The following SLAMF1 variants were observed in gnomAD, a reference collection of about 807,000 sequenced individuals.
The protein encoded by SLAMF1 is signaling lymphocytic activation molecule family member 1.
A neutral mutation model predicts 35.1 loss-of-function variants in SLAMF1; 18 were observed. The ratio of observed to expected loss-of-function variants is 0.51; its 90% CI spans 0.35 to 0.76. The LOEUF is 0.76. SLAMF1 is among the 30% of genes least tolerant of loss of function. SLAMF1 has a pLI of 0.01. For synonymous variants in SLAMF1, 168 were observed against 157.2 expected (o/e 1.07, Z -0.51); for missense variants, 392 against 413.0 (o/e 0.95, Z 0.44).
chr1:160,639,295 G>A (rs913234092), intron 1 of SLAMF1, among the ~76,000 whole-genome samples: 1 of 151,792 alleles, frequency 6.6e-6, no homozygotes, highest in Non-Finnish European at 1.5e-5. Flanking sequence ...TTGCGATCTC[G>A]GCTCACTGCA....
At chr1:160,631,873 T>C (rs534869543) in intron 3 of SLAMF1, among the ~76,000 whole-genome samples, 23 of 152,272 alleles carry the variant, frequency 1.5e-4, no homozygotes, top group African/African-American at 5.5e-4. Flanking sequence ...TTGTACTTTA[T>C]TATGGCAGCC....
rs1345846159 is a variant in SLAMF1 at position 160,608,118 on chromosome 1, A to G, written c.*2630T>C. The G allele has an allele frequency of 6.6e-6, 1 of 152,204 alleles. No homozygotes were observed. The highest frequency in any genetic ancestry group is 6.5e-5 in the Admixed American group (1 of 15,272). The allele number at this position is 152,204 out of a possible 1,614,324, so 9.4% of individuals were successfully genotyped here. ...GACAAAATTGCAATTTCCTTGATGG[A>G]CTGGCTGTAATTTATTCATTTCCAA... On this transcript the variant is annotated 3_prime_UTR_variant, in exon 7 of 7. Transcript: ENST00000302035.
chr1:160,633,808 T>C (rs148545032), intron 3 of SLAMF1, among the ~76,000 whole-genome samples: 1 of 152,218 alleles, frequency 6.6e-6, no homozygotes, highest in Non-Finnish European at 1.5e-5. Context: ...AGTCAGAAGA[T>C]GTAGGTTTAG....
At chr1:160,619,008 T>C (rs1382455859) in intron 5 of SLAMF1, among the ~76,000 whole-genome samples, 1 of 152,212 alleles carries the variant, frequency 6.6e-6, no homozygotes, top group Non-Finnish European at 1.5e-5. Context: ...GTGCATTTGC[T>C]GTCTTTTCAT....
At position 160,610,504 on chromosome 1, in the gene SLAMF1, G is replaced by A; in HGVS notation, c.*244C>T. 1.8e-6 allele frequency: 1 copy of A among 551,992 alleles called. No homozygotes were observed. 34.2% of individuals were successfully genotyped at this position (551,992 alleles called of 1,614,324 possible). A position where few individuals can be genotyped will look rare whatever the true frequency, so the allele number is the denominator to read the frequency against. On this transcript the variant is annotated 3_prime_UTR_variant, in exon 7 of 7. Coordinates refer to ENST00000302035, the MANE Select transcript of SLAMF1 (RefSeq NM_003037.5). ...TGCTACAACACAAAGATGGAACGCT[G>A]TTATCAAGTAACGCTCTGTTCTGCG...
At chr1:160,638,891 T>C (rs1268285876) in intron 1 of SLAMF1, among the ~76,000 whole-genome samples, 1 of 152,260 alleles carries the variant, frequency 6.6e-6, no homozygotes, top group Non-Finnish European at 1.5e-5. Context: ...TCAGTTTTCT[T>C]GGCAGGAGCC....
rs144599258 is a variant in SLAMF1, at chr1:160,625,362, T to G, written c.701-1177A>C. Reference sequence around the variant, plus strand: ...TGTGAGGAATTTGTGGGGCAGAAATTGAAAGAAAAATAGTCGGGTTCCAAA... The same window carrying G: ...TGTGAGGAATTTGTGGGGCAGAAATGGAAAGAAAAATAGTCGGGTTCCAAA... On this transcript the variant is annotated intron_variant, in intron 3 of 6. Transcript: ENST00000302035. Among the ~76,000 whole-genome samples, 9 of 152,180 alleles carry G rather than the reference T, an allele frequency of 5.9e-5. No individual in the cohort carries two copies. The East Asian group carries it at 1.5e-3, about 26-fold the overall frequency.
intron 5 of SLAMF1, among the ~76,000 whole-genome samples, chr1:160,614,854 T>A (rs1324513185): frequency 6.6e-6 from 1 of 152,152 alleles, no homozygotes; most frequent in Non-Finnish European, 1.5e-5. Context: ...GTTAGTATAT[T>A]TTTGTATCTT....
At chr1:160,626,904 T>A (rs1659911511) in intron 3 of SLAMF1, among the ~76,000 whole-genome samples, 1 of 152,204 alleles carries the variant, frequency 6.6e-6, no homozygotes, top group Non-Finnish European at 1.5e-5. Flanking sequence ...CTGCCTAGCC[T>A]TGATGCCCAG....
At chr1:160,641,263 G>A (rs772239115) in intron 1 of SLAMF1, among the ~76,000 whole-genome samples, 6 of 151,972 alleles carry the variant, frequency 3.9e-5, no homozygotes, top group Non-Finnish European at 7.4e-5. Context: ...GATTTTTAAA[G>A]ACCAACTTTG....
intron 2 of SLAMF1, among the ~76,000 whole-genome samples, chr1:160,636,774 G>T (rs887397379): frequency 2.6e-5 from 4 of 152,190 alleles, no homozygotes; most frequent in Admixed American, 1.3e-4. Context: ...GTGTAAATGT[G>T]CTAACCGCTT....
chr1:160,632,785 A>G (rs142931585), intron 3 of SLAMF1, among the ~76,000 whole-genome samples: 10 of 152,322 alleles, frequency 6.6e-5, no homozygotes, highest in African/African-American at 2.4e-4. Context: ...AGCTTTTATA[A>G]TAAAAATTAC....
intron 1 of SLAMF1, 35 bp downstream of exon 1, chr1:160,646,835 A>C: frequency 3.3e-6 from 4 of 1,220,848 alleles, no homozygotes; most frequent in Non-Finnish European, 4.9e-6. Flanking sequence ...GGCAGCTAAC[A>C]TGGGACTCAA....
chr1:160,636,741 C>T lies in SLAMF1; in HGVS notation c.415+450G>A, dbSNP rs377122616. Among the ~76,000 whole-genome samples, 121 of 152,298 alleles carry T rather than the reference C, an allele frequency of 7.9e-4. 1 individual carries two copies. In the South Asian group the frequency reaches 0.023, roughly 29 times the overall value. On this transcript the variant is annotated intron_variant, in intron 2 of 6. Transcript: ENST00000302035. ...CCATCTTTATCCAGAACCCCCAGTGCAGTGAAACACCTACACAAATGTGTG... is the reference window on the plus strand; with the variant it reads ...CCATCTTTATCCAGAACCCCCAGTGTAGTGAAACACCTACACAAATGTGTG...
chr1:160,623,408 C>CT, intron 4 of SLAMF1: 1 of 396,788 alleles, frequency 2.5e-6, no homozygotes, highest in Non-Finnish European at 4.4e-6. Flanking sequence ...GAGGTAAGGG[C>CT]TTTTCTAAGA....
chr1:160,643,306 TG>T (rs1418117989), intron 1 of SLAMF1, among the ~76,000 whole-genome samples: 1 of 152,162 alleles, frequency 6.6e-6, no homozygotes, highest in Non-Finnish European at 1.5e-5. Flanking sequence ...CTCCAAGTTC[TG>T]GGGCTCATTC....
chr1:160,614,655 A>G (rs567362890), intron 5 of SLAMF1, among the ~76,000 whole-genome samples: 159 of 152,224 alleles, frequency 1.0e-3, no homozygotes, highest in African/African-American at 3.7e-3. Flanking sequence ...GAACTTTAGC[A>G]TAACCTGACC....
rs374126308 is a variant in SLAMF1 at position 160,637,284 on chromosome 1, G to A, written c.322C>T (p.Arg108Trp). 56 of 1,613,794 alleles carry A rather than the reference G, an allele frequency of 3.5e-5. 1 individual carries two copies. Among genetic ancestry groups the A allele is most frequent in the South Asian group, 1.6e-4 (15 of 91,068 alleles). Residue 108 changes from arginine to tryptophan, a missense_variant, in exon 2 of 7, where the codon CGG becomes TGG. Coordinates refer to ENST00000302035, the MANE Select transcript of SLAMF1 (RefSeq NM_003037.5). ...FYLENLTLGI[R>W]ESRKEDEGWY... is the part of the protein sequence containing the mutation. ...CCCTCATCCTCCTTCCTGCTTTCCCGTATCCCCAGGGTGAGATTCTCCAGA... is the reference window on the plus strand; with the variant it reads ...CCCTCATCCTCCTTCCTGCTTTCCCATATCCCCAGGGTGAGATTCTCCAGA...
chr1:160,620,964 T>C (rs1659579824), intron 4 of SLAMF1, among the ~76,000 whole-genome samples: 1 of 152,244 alleles, frequency 6.6e-6, no homozygotes, highest in Admixed American at 6.5e-5. Flanking sequence ...TATACTTATA[T>C]AGACTTTTTT....
Sources: gnomAD v4.1 joint callset for allele counts (sites outside exome capture counted in the v4.1 genomes callset) on GRCh38, gnomAD v4.1.1 for gene constraint, MANE v1.5 for transcripts, NCBI Gene and HGNC (gene_info 2026-07-23, HGNC 2026-07-21) for gene names.